COPG2: variants seen among roughly 807,000 people sequenced by gnomAD.
The protein encoded by COPG2 is coat protein complex I subunit gamma 2.
A neutral mutation model predicts 46.3 loss-of-function variants in COPG2; 37 were observed. The observed-to-expected ratio is 0.80, with a 90% CI of 0.61 to 1.05. The LOEUF (loss-of-function observed/expected upper bound fraction) is 1.05, where lower values mean the gene tolerates loss of function less well. Ranked by LOEUF, COPG2 falls within the 50% of genes least tolerant of loss-of-function variation. COPG2 has a pLI of 0.00. For missense variants in COPG2, 427 were observed against 387.8 expected (o/e 1.10, Z -0.85); for synonymous variants, 159 against 129.7 (o/e 1.23, Z -1.53).
chr7:130,636,892 T>G (rs1305960058), intron 5 of COPG2, among the ~76,000 whole-genome samples: 1 of 152,230 alleles, frequency 6.6e-6, no homozygotes, highest in African/African-American at 2.4e-5. Flanking sequence ...AGTGCTCCTT[T>G]CAGGAGCTCT....
intron 5 of COPG2, among the ~76,000 whole-genome samples, chr7:130,644,482 C>T (rs1795553606): frequency 6.6e-6 from 1 of 152,146 alleles, no homozygotes; most frequent in African/African-American, 2.4e-5. Context: ...ATTCAAATAG[C>T]AACTAAAAAT....
At chr7:130,531,045 G>T (rs1799819699) in intron 20 of COPG2, among the ~76,000 whole-genome samples, 2 of 148,872 alleles carry the variant, frequency 1.3e-5, no homozygotes, top group Admixed American at 1.3e-4. Flanking sequence ...TACGGATCCG[G>T]TGGGGAAGGG....
intron 5 of COPG2, 121 bp downstream of exon 5, chr7:130,652,748 C>G: frequency 1.4e-6 from 1 of 690,662 alleles, no homozygotes; most frequent in Non-Finnish European, 2.5e-6. Flanking sequence ...GAAAAGAATG[C>G]TTTAAGATAT....
intron 8 of COPG2, 107 bp from the exon 9 acceptor site, chr7:130,611,217 C>T: frequency 2.0e-6 from 2 of 995,778 alleles, no homozygotes; most frequent in Non-Finnish European, 2.9e-6. Context: ...TTAAAATACC[C>T]AGGTCACATG....
intron 9 of COPG2, chr7:130,607,454 T>C (rs2116493808): frequency 2.2e-6 from 1 of 445,346 alleles, no homozygotes; most frequent in South Asian, 1.7e-5. Flanking sequence ...AACATTGTAA[T>C]GATATACTGT....
intron 13 of COPG2, 104 bp downstream of exon 13, chr7:130,554,933 G>C (rs1270320085): frequency 2.3e-5 from 9 of 397,490 alleles, no homozygotes; most frequent in African/African-American, 1.6e-4. Context: ...CTACTTGAGA[G>C]GCATACTGAG....
chr7:130,570,143 C>G (rs1309932781), intron 9 of COPG2, among the ~76,000 whole-genome samples: 3 of 152,100 alleles, frequency 2.0e-5, no homozygotes, highest in African/African-American at 7.2e-5. Flanking sequence ...AGAACTGGAA[C>G]AAGACAAGGA....
chr7:130,663,788 G>C (rs1584620664), intron 3 of COPG2, among the ~76,000 whole-genome samples: 2 of 138,612 alleles, frequency 1.4e-5, no homozygotes. Context: ...GCTCAGGTTG[G>C]AGTGCAATGG....
chr7:130,665,882 G>C (rs782270017), intron 3 of COPG2, among the ~76,000 whole-genome samples: 8 of 151,318 alleles, frequency 5.3e-5, no homozygotes, highest in Non-Finnish European at 1.2e-4. Context: ...AACAACAGCA[G>C]CAAGCAGAAT....
intron 5 of COPG2, among the ~76,000 whole-genome samples, chr7:130,641,649 G>A (rs931069751): frequency 1.3e-5 from 2 of 152,220 alleles, no homozygotes; most frequent in Non-Finnish European, 2.9e-5. Context: ...TTTCACTACA[G>A]TGGTGGTTAA....
chr7:130,507,933 A>C, intron 21 of COPG2, 110 bp from the exon 22 acceptor site: 1 of 682,664 alleles, frequency 1.5e-6, no homozygotes, highest in South Asian at 1.7e-5. Flanking sequence ...CTACCACCAA[A>C]ATAGTTTAAG....
intron 9 of COPG2, chr7:130,605,732 T>A (rs373810752): frequency 5.8e-6 from 3 of 519,890 alleles, no homozygotes; most frequent in South Asian, 4.2e-5. Flanking sequence ...AGATTGGAAG[T>A]GGATTCTTCC....
At chr7:130,639,684 T>C (rs1336601120) in intron 5 of COPG2, among the ~76,000 whole-genome samples, 3 of 152,258 alleles carry the variant, frequency 2.0e-5, no homozygotes, top group Non-Finnish European at 4.4e-5. Flanking sequence ...TTGATTCCAA[T>C]GTCAGTTTAT....
intron 12 of COPG2, among the ~76,000 whole-genome samples, chr7:130,555,685 C>T (rs1401931534): frequency 6.6e-6 from 1 of 151,980 alleles, no homozygotes; most frequent in African/African-American, 2.4e-5. Flanking sequence ...AAATATTAGC[C>T]AGGTGTGGTG....
chr7:130,588,100 C>T (rs1794318316), intron 9 of COPG2, among the ~76,000 whole-genome samples: 1 of 151,228 alleles, frequency 6.6e-6, no homozygotes, highest in Non-Finnish European at 1.5e-5. Flanking sequence ...AATGAGATAC[C>T]ATCTCACAAC....
At chr7:130,660,261 T>C (rs1554460526) in intron 4 of COPG2, among the ~76,000 whole-genome samples, 1 of 152,252 alleles carries the variant, frequency 6.6e-6, no homozygotes, top group Non-Finnish European at 1.5e-5. Context: ...ATTCATAACC[T>C]GCAGACTTAT....
intron 5 of COPG2, among the ~76,000 whole-genome samples, chr7:130,631,157 TTTTC>T (rs1284498601): frequency 2.1e-5 from 3 of 141,962 alleles, no homozygotes; most frequent in Non-Finnish European, 4.5e-5. Flanking sequence ...TTTTGTTCCC[TTTTC>T]TTTTTCTTTT....
chr7:130,551,380 C>A (rs1793532809), intron 15 of COPG2, 36 bp from the exon 16 acceptor site: 3 of 398,062 alleles, frequency 7.5e-6, no homozygotes, highest in South Asian at 1.3e-4. Flanking sequence ...TGTCACAGTA[C>A]CCCAAAGACT....
chr7:130,516,665 G>A (rs1433055921), intron 20 of COPG2, among the ~76,000 whole-genome samples: 1 of 152,178 alleles, frequency 6.6e-6, no homozygotes, highest in Non-Finnish European at 1.5e-5. Context: ...CATTAAAGAG[G>A]GCTAAATGGG....
Sources: allele counts gnomAD v4.1 joint callset (sites outside exome capture counted in the v4.1 genomes callset), GRCh38; gene constraint gnomAD v4.1.1; transcripts MANE v1.5; gene names NCBI Gene and HGNC (gene_info 2026-07-23, HGNC 2026-07-21).